The following TSGA10 variants were observed in gnomAD, a reference collection of about 807,000 sequenced individuals.
The protein encoded by TSGA10 is testis specific 10.
Under a neutral mutation model 96.6 loss-of-function variants are expected in TSGA10, and 43 were observed. The observed-to-expected ratio is 0.44, with a 90% CI of 0.35 to 0.57. TSGA10 has a LOEUF of 0.57. TSGA10 is among the 20% of genes least tolerant of loss of function. The pLI, the probability that TSGA10 is intolerant of heterozygous loss-of-function variation, is 0.01. For missense variants in TSGA10, 703 were observed against 834.4 expected, an observed-to-expected ratio of 0.84 and a Z score of 1.94; for synonymous variants, 229 against 269.9, an observed-to-expected ratio of 0.85 and a Z score of 1.48.
At chr2:99,005,473 T>C (rs968082114) in intron 20 of TSGA10, among the ~76,000 whole-genome samples, 3 of 152,098 alleles carry the variant, frequency 2.0e-5, no homozygotes, top group Admixed American at 1.3e-4. Context: ...TGTGCAAAAA[T>C]CACAAGCATT....
At chr2:99,059,392 T>C (rs931271439) in intron 16 of TSGA10, among the ~76,000 whole-genome samples, 1 of 149,816 alleles carries the variant, frequency 6.7e-6, no homozygotes, top group Non-Finnish European at 1.5e-5. Flanking sequence ...CCCAGCACTT[T>C]CGGAAGCCGA....
At chr2:99,014,120 A>C (rs1426294287) in intron 20 of TSGA10, among the ~76,000 whole-genome samples, 2 of 152,090 alleles carry the variant, frequency 1.3e-5, no homozygotes, top group African/African-American at 4.8e-5. Flanking sequence ...GTGCCATTGC[A>C]CTCCAGCCTG....
intron 3 of TSGA10, among the ~76,000 whole-genome samples, chr2:99,118,262 C>T (rs558967603): frequency 5.7e-4 from 86 of 151,684 alleles, no homozygotes; most frequent in South Asian, 2.1e-3. Context: ...ACCAGCCTCG[C>T]CAACATGGTG....
chr2:99,055,870 AAAAAAAAAAGGAAG>A (rs1351385439), intron 16 of TSGA10, among the ~76,000 whole-genome samples: 1 of 151,188 alleles, frequency 6.6e-6, no homozygotes, highest in African/African-American at 2.4e-5. Context: ...CAAAAAAAAA[AAAAAAAAAAGGAAG>A]AAAAGAAATT....
At position 99,027,154 on chromosome 2, in the gene TSGA10, T is replaced by C. The variant is rs146385199; in HGVS notation, c.1615-6672A>G. 2.6e-3 allele frequency among the ~76,000 whole-genome samples: 399 copies of C among 152,326 alleles called. 2 individuals carry two copies. Among genetic ancestry groups the C allele is most frequent in the African/African-American group, 9.0e-3 (374 of 41,578 alleles). On this transcript the variant is annotated intron_variant, in intron 17 of 20. Coordinates refer to ENST00000393483, the MANE Select transcript of TSGA10 (RefSeq NM_025244.4). ...TGCGGCTAGGACTGGTACCAGTCTGTGGTAACAGGCTATGGGCCCGTACAG... is the reference window on the plus strand; with the variant it reads ...TGCGGCTAGGACTGGTACCAGTCTGCGGTAACAGGCTATGGGCCCGTACAG...
chr2:99,040,723 T>A (rs1018180047), intron 16 of TSGA10, among the ~76,000 whole-genome samples: 1 of 151,802 alleles, frequency 6.6e-6, no homozygotes, highest in Non-Finnish European at 1.5e-5. Context: ...AGGCAATTCC[T>A]ATCAAAATAC....
At chr2:99,135,783 C>T (rs13035357) in intron 1 of TSGA10, among the ~76,000 whole-genome samples, 77,199 of 151,894 alleles carry the variant, frequency 0.51, 21,537 homozygotes, top group Middle Eastern at 0.71. Flanking sequence ...CTGAGGCGGG[C>T]GGATCACCTG....
intron 10 of TSGA10, among the ~76,000 whole-genome samples, chr2:99,087,216 T>A (rs1033646594): frequency 3.6e-5 from 5 of 140,182 alleles, no homozygotes; most frequent in African/African-American, 5.8e-5. Context: ...AAAAAAAAAA[T>A]TTTTTTTAGG....
chr2:99,088,522 G>C (rs565924364), intron 10 of TSGA10, among the ~76,000 whole-genome samples: 3 of 152,218 alleles, frequency 2.0e-5, no homozygotes, highest in African/African-American at 7.2e-5. Flanking sequence ...AGGTATCTTA[G>C]CAAATTAGAA....
Position 99,103,973 on chromosome 2 carries a change from G to A in TSGA10, c.605C>T (p.Ser202Phe), listed in dbSNP as rs140899327. ...TAAAGGTGATTTAGTTTACCTCAAA[G>A]AATTATTCTCTGCTTTTTGTCTGCC... ...ELGRQKAENN[S>F]LRLLYENTEK... The change falls in exon 10 of 21, where the codon TCT becomes TTT. Residue 202 changes from serine (S) to phenylalanine (F), a missense_variant. This residue lies in a region of TSGA10 where 585 missense variants were observed against 656.8 expected (regional missense o/e 0.89). Coordinates refer to ENST00000393483, the MANE Select transcript of TSGA10 (RefSeq NM_025244.4). 8 of 1,613,804 alleles carry A rather than the reference G, an allele frequency of 5.0e-6. No individual in the cohort carries two copies. The highest frequency in any genetic ancestry group is 6.8e-6 in the Non-Finnish European group (8 of 1,179,956).
At chr2:99,146,447 AT>A (rs919579514) in intron 1 of TSGA10, among the ~76,000 whole-genome samples, 22 of 151,676 alleles carry the variant, frequency 1.5e-4, no homozygotes, top group African/African-American at 5.1e-4. Flanking sequence ...TTTTGTTTAT[AT>A]TTTTTTCATT....
intron 1 of TSGA10, among the ~76,000 whole-genome samples, chr2:99,133,888 C>A (rs939941611): frequency 6.6e-6 from 1 of 152,208 alleles, no homozygotes; most frequent in African/African-American, 2.4e-5. Context: ...AAATTCTTTT[C>A]TTTAAGAATG....
chr2:99,110,550 C>T (rs897756793), intron 5 of TSGA10, among the ~76,000 whole-genome samples: 17 of 152,098 alleles, frequency 1.1e-4, no homozygotes, highest in Non-Finnish European at 1.9e-4. Context: ...AAACAAACTT[C>T]ATATTTTGAG....
intron 17 of TSGA10, among the ~76,000 whole-genome samples, chr2:99,027,732 T>C (rs2080758221): frequency 6.6e-6 from 1 of 152,090 alleles, no homozygotes; most frequent in Non-Finnish European, 1.5e-5. Flanking sequence ...CTAATAACAA[T>C]GTCTCATCAA....
intron 10 of TSGA10, among the ~76,000 whole-genome samples, chr2:99,095,372 T>G (rs547673908): frequency 1.3e-5 from 2 of 151,968 alleles, no homozygotes; most frequent in East Asian, 3.9e-4. Flanking sequence ...CCAAACACCA[T>G]CTGTTCCCCA....
rs1378291338 is a variant in TSGA10 at position 99,105,562 on chromosome 2, T to C, written c.346A>G (p.Thr116Ala). 4.3e-6 allele frequency: 7 copies of C among 1,612,182 alleles called. No homozygotes were observed. The highest frequency in any genetic ancestry group is 1.1e-5 in the South Asian group (1 of 91,046). The change falls in exon 8 of 21, where the codon ACC (threonine) becomes GCC (alanine). Residue 116 changes from threonine (T) to alanine (A), a missense_variant. Thr to Ala is a moderately conservative substitution (Grantham distance 58). Transcript: ENST00000393483. ...TCCCTTAGACTATCTCGTTCTGTGG[T>C]CATTCTTCGTAAATCAGTAAAGGCT... is the stretch of plus-strand genomic sequence containing the variant. Reference protein sequence around the residue: ...DVAFTDLRRMTTERDSLRERL... With the variant: ...DVAFTDLRRMATERDSLRERL...
chr2:99,130,971 CATTGGTATATATAT>C (rs1451369523), intron 1 of TSGA10, among the ~76,000 whole-genome samples: 3 of 152,002 alleles, frequency 2.0e-5, no homozygotes, highest in Non-Finnish European at 2.9e-5. Flanking sequence ...TGTTCTGTTC[CATTGGTATATATAT>C]ATTGGTATAT....
At chr2:99,007,017 T>C (rs922876854) in intron 20 of TSGA10, among the ~76,000 whole-genome samples, 6 of 152,088 alleles carry the variant, frequency 3.9e-5, no homozygotes, top group East Asian at 1.9e-4. Flanking sequence ...CTGGAAACCA[T>C]CATTCTGAGC....
At chr2:99,081,260 A>G in intron 11 of TSGA10, 22 bp downstream of exon 11, 1 of 1,320,226 alleles carries the variant, frequency 7.6e-7, no homozygotes, top group African/African-American at 1.5e-5. Context: ...ACTAAAAGTA[A>G]TATTAAGAGA....
Sources: gnomAD v4.1 joint callset for allele counts (sites outside exome capture counted in the v4.1 genomes callset) on GRCh38, gnomAD v4.1.1 for gene constraint, gnomAD v4.1.1 regional missense constraint, MANE v1.5 for transcripts, NCBI Gene and HGNC (gene_info 2026-07-23, HGNC 2026-07-21) for gene names.